MUCL1: variants seen among roughly 807,000 people sequenced by gnomAD.
MUCL1 encodes the protein mucin like 1, also known as mucin-like protein 1.
Under a neutral mutation model 9.2 loss-of-function variants are expected in MUCL1, and 11 were observed. That is an observed-to-expected ratio of 1.19 (90% CI 0.75 to 1.97). The LOEUF (loss-of-function observed/expected upper bound fraction) is 1.97, where lower values mean the gene tolerates loss of function less well. Among genes scored for constraint, MUCL1 ranks in the 30% most tolerant of loss-of-function variants. The pLI is 0.00. For missense variants in MUCL1, 144 were observed against 110.9 expected (o/e 1.30, Z -1.34); for synonymous variants, 48 against 40.5 (o/e 1.19, Z -0.71).
chr12:54,846,825 G>A (rs1400204036), intron 1 of MUCL1, among the ~76,000 whole-genome samples: 1 of 146,328 alleles, frequency 6.8e-6, no homozygotes, highest in Non-Finnish European at 1.5e-5. Flanking sequence ...CACTTGTGTG[G>A]GTAACTTGTA....
At chr12:54,841,424 T>G (rs1959210899) in intron 1 of MUCL1, among the ~76,000 whole-genome samples, 1 of 152,144 alleles carries the variant, frequency 6.6e-6, no homozygotes, top group South Asian at 2.1e-4. Flanking sequence ...TCCATACAGT[T>G]TTCCATAATG....
chr12:54,838,023 G>A (rs1011473143), upstream of MUCL1, among the ~76,000 whole-genome samples: 2 of 152,228 alleles, frequency 1.3e-5, no homozygotes, highest in Non-Finnish European at 2.9e-5. Context: ...TTGTTTTATA[G>A]GCTCTGTGAG....
At chr12:54,858,099 T>C (rs1223577870) in intron 3 of MUCL1, 94 bp from the exon 4 acceptor site, 4 of 1,454,802 alleles carry the variant, frequency 2.7e-6, no homozygotes, top group Non-Finnish European at 2.9e-6. Context: ...TTAGTTGACA[T>C]TTGACACTTG....
chr12:54,856,732 G>A (rs1429679235), intron 2 of MUCL1, 38 bp from the exon 3 acceptor site: 5 of 1,571,712 alleles, frequency 3.2e-6, no homozygotes, highest in Non-Finnish European at 4.3e-6. Flanking sequence ...GTTCCAGAAG[G>A]AGTCAGTCTC....
chr12:54,834,271 G>A (rs1359414664), intron 1 of MUCL1, among the ~76,000 whole-genome samples: 9 of 152,042 alleles, frequency 5.9e-5, no homozygotes, highest in Non-Finnish European at 1.3e-4. Context: ...ATTGAGTGAA[G>A]TTGAGTATTT....
chr12:54,846,239 C>T (rs902586858), intron 1 of MUCL1, among the ~76,000 whole-genome samples: 2 of 152,154 alleles, frequency 1.3e-5, no homozygotes, highest in African/African-American at 4.8e-5. Flanking sequence ...GTAACACACA[C>T]CCTCTTGGGC....
chr12:54,830,792 C>T (rs985937913), exon 1 of MUCL1: 2 of 152,022 alleles, frequency 1.3e-5, no homozygotes, highest in African/African-American at 4.8e-5. Flanking sequence ...CTGAGGGATC[C>T]CTGAGGGATC....
At chr12:54,849,713 A>C (rs963907010), upstream of MUCL1, among the ~76,000 whole-genome samples, 1 of 152,136 alleles carries the variant, frequency 6.6e-6, no homozygotes, top group Non-Finnish European at 1.5e-5. Flanking sequence ...CCCTATATAT[A>C]ATGCTGTTCA....
upstream of MUCL1, among the ~76,000 whole-genome samples, chr12:54,838,252 G>A (rs994816576): frequency 2.8e-4 from 42 of 152,188 alleles, no homozygotes; most frequent in African/African-American, 9.9e-4. Flanking sequence ...GCTAGAGATA[G>A]GACCCTAATC....
upstream of MUCL1, among the ~76,000 whole-genome samples, chr12:54,854,172 CTA>C (rs1169352170): frequency 6.6e-6 from 1 of 152,178 alleles, no homozygotes; most frequent in East Asian, 1.9e-4. Flanking sequence ...CTCCTAGAAT[CTA>C]TGAAAAGAGC....
rs538927524 is a variant in MUCL1, at chr12:54,844,208, A to T, written c.43+4761A>T. Among the ~76,000 whole-genome samples the T allele has an allele frequency of 7.9e-5, 12 of 152,254 alleles. No homozygotes were observed. In the East Asian group the frequency reaches 2.1e-3, roughly 27 times the overall value. ...GAATGTTTTTTCCTTTTCAAATTTT[A>T]GGTAGAAAGTCTTGATGAAGCTACC... On this transcript the variant is annotated intron_variant, in intron 1 of 3. Transcript: ENST00000546809.
chr12:54,833,137 G>A lies in MUCL1; in HGVS notation n.357+2262G>A, dbSNP rs1450579519. Among the ~76,000 whole-genome samples the A allele has an allele frequency of 4.0e-5, 6 of 151,896 alleles. 1 individual carries two copies. The highest frequency in any genetic ancestry group is 1.5e-5 in the Non-Finnish European group (1 of 67,946). ...CCTTAGAGCTGTCCTGTCCATTCTA[G>A]GTCCTTTTTCCTTGGCTTTTTATGT... On this transcript the variant is annotated intron_variant and non_coding_transcript_variant, in intron 1 of 3. Transcript: ENST00000547990.
chr12:54,839,977 C>T (rs1408685466), intron 1 of MUCL1, among the ~76,000 whole-genome samples: 2 of 152,156 alleles, frequency 1.3e-5, no homozygotes, highest in Admixed American at 6.6e-5. Context: ...GGACTCAAGG[C>T]CTGCTGTCTG....
At chr12:54,841,335 T>C (rs184658784) in intron 1 of MUCL1, among the ~76,000 whole-genome samples, 95 of 152,346 alleles carry the variant, frequency 6.2e-4, no homozygotes, top group African/African-American at 2.1e-3. Flanking sequence ...CTCTATAAGA[T>C]GCTGATTTCC....
chr12:54,850,594 A>G (rs887843758), upstream of MUCL1, among the ~76,000 whole-genome samples: 3 of 151,940 alleles, frequency 2.0e-5, no homozygotes, highest in Non-Finnish European at 4.4e-5. Flanking sequence ...AGTCTTTGCT[A>G]TTGTGAATAG....
Position 54,858,198 on chromosome 12 carries a change from C to G in MUCL1, c.229C>G (p.Pro77Ala), listed in dbSNP as rs1868314913. ...TTARKDIPVL[P>A]KWVGDLPNGR... ...AATATTTTTTTCTCTTGCAGTTTTACCCAAATGGGTTGGGGATCTCCCGAA... is the reference window on the plus strand; with the variant it reads ...AATATTTTTTTCTCTTGCAGTTTTAGCCAAATGGGTTGGGGATCTCCCGAA... Residue 77 changes from proline (P) to alanine (A), a missense_variant, in exon 4 of 4, where the codon CCC becomes GCC. Coordinates refer to ENST00000308796, the MANE Select transcript of MUCL1 (RefSeq NM_058173.3). 6.2e-7 allele frequency: 1 copy of G among 1,613,390 alleles called. No homozygotes were observed. Among genetic ancestry groups the G allele is most frequent in the Non-Finnish European group, 8.5e-7 (1 of 1,179,550 alleles).
At chr12:54,857,029 T>C (rs1868306128) in intron 3 of MUCL1, 137 bp downstream of exon 3, 1 of 1,325,314 alleles carries the variant, frequency 7.5e-7, no homozygotes, top group Non-Finnish European at 1.0e-6. Flanking sequence ...TTGTAGTTTC[T>C]AAGTCAAGTC....
intron 1 of MUCL1, among the ~76,000 whole-genome samples, chr12:54,845,219 T>C (rs1260309951): frequency 3.3e-5 from 5 of 152,168 alleles, no homozygotes; most frequent in African/African-American, 7.2e-5. Flanking sequence ...GATACTTTCA[T>C]TGGGTATACT....
intron 1 of MUCL1, among the ~76,000 whole-genome samples, chr12:54,843,091 C>G (rs555523975): frequency 1.3e-5 from 2 of 152,088 alleles, no homozygotes; most frequent in Non-Finnish European, 2.9e-5. Context: ...ATAACATCTA[C>G]GTTTGTGTAA....
Sources: allele counts gnomAD v4.1 joint callset (sites outside exome capture counted in the v4.1 genomes callset), GRCh38; gene constraint gnomAD v4.1.1; transcripts MANE v1.5; gene names NCBI Gene and HGNC (gene_info 2026-07-23, HGNC 2026-07-21).